Variants in HNF4A observed in about 807,000 individuals in gnomAD.
The protein encoded by HNF4A is hepatocyte nuclear factor 4-alpha.
In HNF4A, 15 loss-of-function variants were observed where a neutral mutation model predicts 52.4. The ratio of observed to expected loss-of-function variants is 0.29; its 90% CI spans 0.19 to 0.44. The LOEUF is 0.44. Among genes scored for constraint, HNF4A ranks in the 20% least tolerant of loss-of-function variants. The probability of loss-of-function intolerance (pLI) is 1.00; values close to 1 mark genes in which losing one functional copy is unlikely to be tolerated. For missense variants in HNF4A, 479 were observed against 647.2 expected, an observed-to-expected ratio of 0.74 and a Z score of 2.82; for synonymous variants, 280 against 264.4, an observed-to-expected ratio of 1.06 and a Z score of -0.57.
At chr20:44,415,670 T>C (rs1215525389) in intron 5 of HNF4A, among the ~76,000 whole-genome samples, 1 of 152,220 alleles carries the variant, frequency 6.6e-6, no homozygotes, top group African/African-American at 2.4e-5. Flanking sequence ...CTGAGAAGTC[T>C]CGTCCAGGCA....
rs776824742 is a variant in HNF4A, at chr20:44,429,597, G to A, written c.1357G>A (p.Val453Ile). The A allele has an allele frequency of 2.4e-5, 38 of 1,613,888 alleles. No homozygotes were observed. The highest frequency in any genetic ancestry group is 1.6e-4 in the Middle Eastern group (1 of 6,062). The change falls in exon 10 of 10, where the codon GTC (valine) becomes ATC (isoleucine). Residue 453 changes from valine to isoleucine, a missense_variant. Coordinates refer to ENST00000316099, the MANE Select transcript of HNF4A (RefSeq NM_000457.6). ...GCCCTATAAGCTCCTGCCGGGAGCCGTCGCCACAATCGTCAAGCCCCTCTC... is the reference window on the plus strand; with the variant it reads ...GCCCTATAAGCTCCTGCCGGGAGCCATCGCCACAATCGTCAAGCCCCTCTC...
intron 7 of HNF4A, among the ~76,000 whole-genome samples, chr20:44,422,963 G>A (rs992803318): frequency 1.3e-5 from 2 of 152,144 alleles, no homozygotes; most frequent in Non-Finnish European, 2.9e-5. Context: ...ACAGGCATGA[G>A]CCACCATGCC....
At chr20:44,373,220 AC>A (rs550862743) in intron 1 of HNF4A, among the ~76,000 whole-genome samples, 105 of 151,878 alleles carry the variant, frequency 6.9e-4, no homozygotes, top group African/African-American at 2.4e-3. Context: ...CATAGTCAAA[AC>A]CCACTACAGC....
chr20:44,358,130 TAAA>T (rs970741006), intron 1 of HNF4A, among the ~76,000 whole-genome samples: 2 of 129,648 alleles, frequency 1.5e-5, no homozygotes, highest in Admixed American at 1.6e-4. Context: ...CTACCTTATT[TAAA>T]AAAAAAAAAC....
rs753881645 is a variant in HNF4A, at chr20:44,424,107, T to C, written c.982T>C (p.Tyr328His). 5 of 1,613,486 alleles carry C rather than the reference T, an allele frequency of 3.1e-6. No homozygotes were observed. Among genetic ancestry groups the C allele is most frequent in the South Asian group, 2.2e-5 (2 of 91,060 alleles). ...GGAGGACTACATCAACGACCGCCAGTATGACTCGCGTGGCCGCTTTGGAGA... is the reference window on the plus strand; with the variant it reads ...GGAGGACTACATCAACGACCGCCAGCATGACTCGCGTGGCCGCTTTGGAGA... Residue 328 changes from tyrosine to histidine, a missense_variant, in exon 8 of 10, where the codon TAT becomes CAT. Physicochemically the swap from Tyr to His is moderately conservative, Grantham distance 83. This residue lies in a region of HNF4A where 389 missense variants were observed against 525.1 expected (regional missense o/e 0.74). Coordinates refer to ENST00000316099, the MANE Select transcript of HNF4A (RefSeq NM_000457.6).
At position 44,420,518 on chromosome 20, in the gene HNF4A, A is replaced by G. The variant is rs986099191; in HGVS notation, c.892+642A>G. 2.0e-5 allele frequency among the ~76,000 whole-genome samples: 3 copies of G among 152,116 alleles called. No individual in the cohort carries two copies. In the East Asian group the frequency reaches 5.8e-4, roughly 29 times the overall value. ...TCTAGAACCGGATGTGGTGGCTCAC[A>G]TCTGTAATCCCAGCACTTTGGGAGG... On this transcript the variant is annotated intron_variant, in intron 7 of 9. Coordinates refer to ENST00000316099, the MANE Select transcript of HNF4A (RefSeq NM_000457.6).
At chr20:44,378,770 T>A (rs893022053) in intron 1 of HNF4A, among the ~76,000 whole-genome samples, 2 of 151,604 alleles carry the variant, frequency 1.3e-5, no homozygotes, top group African/African-American at 2.4e-5. Flanking sequence ...TACAAAAAAA[T>A]TAGCCGGGCG....
In HNF4A at chr20:44,379,816, C is replaced by T. The variant is rs183435676; in HGVS notation, c.49+23963C>T. Among the ~76,000 whole-genome samples, 8 of 150,974 alleles carry T rather than the reference C, an allele frequency of 5.3e-5. No homozygotes were observed. In the Admixed American group the frequency reaches 5.3e-4, roughly 10 times the overall value. On this transcript the variant is annotated intron_variant, in intron 1 of 9. Transcript: ENST00000316673. ...TGGCGCGATCTTGGCTCACTGCAAC[C>T]TCTGCCTCCCAGGTTCAAGCGATTC...
chr20:44,396,165 C>G (rs1239488007), intron 1 of HNF4A, among the ~76,000 whole-genome samples: 1 of 152,130 alleles, frequency 6.6e-6, no homozygotes, highest in Non-Finnish European at 1.5e-5. Flanking sequence ...ACAACAGCCC[C>G]TCCCTTACGA....
At chr20:44,422,783 G>T (rs1405309502) in intron 7 of HNF4A, among the ~76,000 whole-genome samples, 1 of 151,520 alleles carries the variant, frequency 6.6e-6, no homozygotes, top group Non-Finnish European at 1.5e-5. Flanking sequence ...AGTTTCAAGC[G>T]ATTCTCCCAC....
At chr20:44,406,417 C>T (rs1055739780) in intron 2 of HNF4A, among the ~76,000 whole-genome samples, 185 bp downstream of exon 2, 16 of 152,244 alleles carry the variant, frequency 1.1e-4, no homozygotes, top group Admixed American at 9.8e-4. Flanking sequence ...ACCACATTTA[C>T]TGATCATCAA....
chr20:44,419,609 C>A, intron 6 of HNF4A, 112 bp from the exon 7 acceptor site: 1 of 950,356 alleles, frequency 1.1e-6, no homozygotes, highest in Non-Finnish European at 1.7e-6. Context: ...ACCATCCCTG[C>A]AGGTCCTCCT....
Position 44,401,275 on chromosome 20 carries a change from G to C in HNF4A, c.-98G>C. The stretch of plus-strand genomic sequence containing the variant: ...GAGGACGGTTTGAAAGGAAGGCAGA[G>C]AGGGCACTGGGAGGAGGCAGTGGGA... On this transcript the variant is annotated 5_prime_UTR_variant, in exon 1 of 10. Transcript: ENST00000316099. The C allele has an allele frequency of 6.3e-7, 1 of 1,597,942 alleles. No individual in the cohort carries two copies. Among genetic ancestry groups the C allele is most frequent in the Non-Finnish European group, 8.5e-7 (1 of 1,174,988 alleles).
intron 1 of HNF4A, among the ~76,000 whole-genome samples, chr20:44,359,911 G>A (rs1324490875): frequency 6.6e-6 from 1 of 152,154 alleles, no homozygotes; most frequent in Non-Finnish European, 1.5e-5. Context: ...ACTACCCTGA[G>A]TAACTCTGAG....
At chr20:44,400,517 C>G (rs977439183), upstream of HNF4A, among the ~76,000 whole-genome samples, 3 of 151,934 alleles carry the variant, frequency 2.0e-5, no homozygotes, top group Non-Finnish European at 4.4e-5. Context: ...ACGGTAGGTG[C>G]CTGAATGTAA....
intron 7 of HNF4A, among the ~76,000 whole-genome samples, chr20:44,423,578 A>T (rs2063776688): frequency 6.6e-6 from 1 of 152,226 alleles, no homozygotes; most frequent in Admixed American, 6.5e-5. Context: ...ACACAGTAGA[A>T]GCAGCAACTG....
chr20:44,399,296 T>G (rs1051113156), upstream of HNF4A, among the ~76,000 whole-genome samples: 4 of 152,184 alleles, frequency 2.6e-5, no homozygotes, highest in Non-Finnish European at 4.4e-5. Flanking sequence ...GGATCATCTT[T>G]CTATTTTACA....
intron 1 of HNF4A, among the ~76,000 whole-genome samples, chr20:44,368,110 G>A (rs1286625316): frequency 1.1e-4 from 12 of 110,790 alleles, no homozygotes; most frequent in African/African-American, 4.2e-4. Flanking sequence ...GTGTGTGTGT[G>A]TATACATATA....
intron 1 of HNF4A, among the ~76,000 whole-genome samples, chr20:44,394,944 C>T (rs1345188568): frequency 6.6e-6 from 1 of 152,226 alleles, no homozygotes; most frequent in African/African-American, 2.4e-5. Context: ...GGATGGGGCC[C>T]AGTTATCAGT....
Sources: allele counts gnomAD v4.1 joint callset (sites outside exome capture counted in the v4.1 genomes callset), GRCh38; gene constraint gnomAD v4.1.1; regional missense constraint gnomAD v4.1.1; transcripts MANE v1.5; gene names NCBI Gene and HGNC (gene_info 2026-07-23, HGNC 2026-07-21).